The following WIPF3 variants were observed in gnomAD, a reference collection of about 807,000 sequenced individuals.
WIPF3 encodes WAS/WASL-interacting protein family member 3.
Under a neutral mutation model 38.9 loss-of-function variants are expected in WIPF3, and 33 were observed. That is an observed-to-expected ratio of 0.85 (90% confidence interval 0.64 to 1.14). WIPF3 has a LOEUF of 1.14. Among genes scored for constraint, WIPF3 ranks in the 50% most tolerant of loss-of-function variants. The pLI is 0.00. For synonymous variants in WIPF3, 324 were observed against 269.3 expected, an observed-to-expected ratio of 1.20 and a Z score of -1.99; for missense variants, 711 against 652.5, an observed-to-expected ratio of 1.09 and a Z score of -0.98.
At chr7:29,830,926 C>T (rs1263654060) in intron 1 of WIPF3, among the ~76,000 whole-genome samples, 1 of 152,164 alleles carries the variant, frequency 6.6e-6, no homozygotes, top group African/African-American at 2.4e-5. Context: ...CGTGTACTCA[C>T]GAAAGTGTAT....
Position 29,844,856 on chromosome 7 carries a change from C to T in WIPF3, c.90+10042C>T, listed in dbSNP as rs914774410. Among the ~76,000 whole-genome samples the T allele has an allele frequency of 3.3e-5, 5 of 152,144 alleles. No individual in the cohort carries two copies. The East Asian group carries it at 7.7e-4, about 23-fold the overall frequency. On this transcript the variant is annotated intron_variant, in intron 2 of 8. Transcript: ENST00000242140. This position sits in a 1 kb window ranked among gnomAD's most constrained non-coding sequence, Gnocchi z 4.8. ...TTATTGGGACTCTGGCCGAACGGCT[C>T]CCGGCTGTGCTCTGAAGCGCTAAAC...
chr7:29,841,075 A>G lies in WIPF3; in HGVS notation c.90+6261A>G, dbSNP rs79207896. Among the ~76,000 whole-genome samples the G allele has an allele frequency of 7.1e-4, 108 of 152,288 alleles. No individual in the cohort carries two copies. The East Asian group carries it at 0.021, about 29-fold the overall frequency. Reference sequence around the variant, plus strand: ...GGAGAAGCTTTGGAAGCTTGGTTAAATTTTGGTTACAAGGTCAGGATTCTC... The same window carrying G: ...GGAGAAGCTTTGGAAGCTTGGTTAAGTTTTGGTTACAAGGTCAGGATTCTC... On this transcript the variant is annotated intron_variant, in intron 2 of 8. Coordinates refer to ENST00000242140, the MANE Select transcript of WIPF3 (RefSeq NM_001080529.3).
intron 2 of WIPF3, among the ~76,000 whole-genome samples, chr7:29,845,577 C>T (rs1440188981): frequency 2.0e-5 from 3 of 152,234 alleles, no homozygotes; most frequent in Admixed American, 2.0e-4. Context: ...ATACGGGATC[C>T]TGAAGTCTCA....
rs60111327 is a variant in WIPF3 at position 29,811,254 on chromosome 7, TATG to T, written c.-58+4612_-58+4614del. Among the ~76,000 whole-genome samples the T allele has an allele frequency of 2.4e-3, 358 of 149,086 alleles. 2 individuals carry two copies. Among genetic ancestry groups the T allele is most frequent in the East Asian group, 0.012 (60 of 5,072 alleles). On this transcript the variant is annotated intron_variant, in intron 1 of 8. Coordinates refer to ENST00000242140, the MANE Select transcript of WIPF3 (RefSeq NM_001080529.3). ...TAGCAATGTTCAGTCAATTAGCCAT[TATG>T]ATGATGATGATGATGATGATGATGA...
intron 4 of WIPF3, among the ~76,000 whole-genome samples, chr7:29,883,420 AG>A (rs1471150276): frequency 7.9e-5 from 12 of 152,220 alleles, no homozygotes; most frequent in African/African-American, 2.9e-4. Context: ...AAACCTCCCT[AG>A]CCAGGAGTGC....
intron 8 of WIPF3, among the ~76,000 whole-genome samples, chr7:29,909,349 C>T (rs1032568081): frequency 6.6e-5 from 10 of 152,006 alleles, no homozygotes; most frequent in Admixed American, 6.6e-4. Context: ...AGAAAATCAA[C>T]AAAACCAAAA....
At chr7:29,855,189 C>T (rs1056616950) in intron 2 of WIPF3, among the ~76,000 whole-genome samples, 4 of 152,162 alleles carry the variant, frequency 2.6e-5, no homozygotes, top group African/African-American at 9.7e-5. Context: ...ATTCAGTGTT[C>T]CTGGACAGAA....
At position 29,915,147 on chromosome 7, in the gene WIPF3, G is replaced by T. The variant is rs1037064368; in HGVS notation, c.*631G>T. 6.9e-6 allele frequency: 1 copy of T among 144,198 alleles called. No individual in the cohort carries two copies. Among genetic ancestry groups the T allele is most frequent in the Non-Finnish European group, 1.5e-5 (1 of 67,158 alleles). 8.9% of individuals were successfully genotyped at this position (144,198 alleles called of 1,614,324 possible). A position where few individuals can be genotyped will look rare whatever the true frequency, so the allele number is the denominator to read the frequency against. On this transcript the variant is annotated 3_prime_UTR_variant, in exon 9 of 9. Transcript: ENST00000242140. ...ACATCACAAAGTAAAGGCAAGAGTGGGCTTGGCCCTCCGATGCCAACCACA... is the reference window on the plus strand; with the variant it reads ...ACATCACAAAGTAAAGGCAAGAGTGTGCTTGGCCCTCCGATGCCAACCACA...
chr7:29,828,343 C>T (rs1327966156), intron 1 of WIPF3, among the ~76,000 whole-genome samples: 2 of 152,154 alleles, frequency 1.3e-5, no homozygotes, highest in Non-Finnish European at 2.9e-5. Flanking sequence ...GCCCAGTCCA[C>T]ATCACTTCTG....
At chr7:29,902,524 A>G (rs936953375) in intron 7 of WIPF3, among the ~76,000 whole-genome samples, 1 of 152,144 alleles carries the variant, frequency 6.6e-6, no homozygotes, top group South Asian at 2.1e-4. Flanking sequence ...GTTGTAGAAA[A>G]GTTGAAAAAA....
At chr7:29,863,800 CGTAA>C (rs1276616027) in intron 2 of WIPF3, among the ~76,000 whole-genome samples, 2 of 152,130 alleles carry the variant, frequency 1.3e-5, no homozygotes, top group Non-Finnish European at 2.9e-5. Flanking sequence ...TAGATTTATA[CGTAA>C]GTATTTCCTT....
At chr7:29,894,863 A>G (rs372386241) in intron 7 of WIPF3, among the ~76,000 whole-genome samples, 2 of 146,482 alleles carry the variant, frequency 1.4e-5, no homozygotes, top group South Asian at 4.4e-4. Context: ...GGTGTTTGCT[A>G]TTTTCTTCCA....
rs534880035 is a variant in WIPF3, at chr7:29,915,975, G to A, written c.*1459G>A. On this transcript the variant is annotated 3_prime_UTR_variant, in exon 9 of 9. Coordinates refer to ENST00000242140, the MANE Select transcript of WIPF3 (RefSeq NM_001080529.3). ...ACCAAGCCATCCAGAAAGGCAGCCG[G>A]TCAGGAGGGTGTGGGCAAACATGAC... 1 of 152,518 alleles carries A rather than the reference G, an allele frequency of 6.6e-6. No individual in the cohort carries two copies. Among genetic ancestry groups the A allele is most frequent in the Admixed American group, 6.5e-5 (1 of 15,310 alleles). 9.4% of individuals were successfully genotyped at this position (152,518 alleles called of 1,614,324 possible).
chr7:29,861,451 G>A (rs1032854631), intron 2 of WIPF3, among the ~76,000 whole-genome samples: 32 of 152,274 alleles, frequency 2.1e-4, no homozygotes, highest in South Asian at 4.1e-4. Context: ...AAGGGGTGGT[G>A]GCAGGGGTAC....
At chr7:29,884,724 C>G (rs547948114) in intron 5 of WIPF3, 131 bp downstream of exon 5, 1 of 1,341,738 alleles carries the variant, frequency 7.5e-7, no homozygotes, top group African/African-American at 1.5e-5. Flanking sequence ...AGAGACTTGC[C>G]CAAAATCATG....
At chr7:29,856,406 T>G (rs535515763) in intron 2 of WIPF3, among the ~76,000 whole-genome samples, 2 of 152,178 alleles carry the variant, frequency 1.3e-5, no homozygotes, top group Non-Finnish European at 2.9e-5. Context: ...GGCTGGAGGA[T>G]TGCTTGAGCC....
At chr7:29,872,728 G>A (rs887395237) in intron 2 of WIPF3, among the ~76,000 whole-genome samples, 3 of 147,958 alleles carry the variant, frequency 2.0e-5, no homozygotes, top group East Asian at 2.0e-4. Flanking sequence ...CCCGGGAAGC[G>A]GAGCTTGCAG....
chr7:29,875,813 CT>C lies in WIPF3; in HGVS notation c.91-13del, dbSNP rs775209801. The C allele has an allele frequency of 2.7e-5, 44 of 1,610,132 alleles. No homozygotes were observed. The highest frequency in any genetic ancestry group is 3.4e-5 in the Non-Finnish European group (40 of 1,176,784). On this transcript the variant is annotated splice_polypyrimidine_tract_variant and intron_variant, in intron 2 of 8. Coordinates refer to ENST00000242140, the MANE Select transcript of WIPF3 (RefSeq NM_001080529.3). ...TGAAAATGCTACTATAGTCAAATCC[CT>C]TTTACTCCCTTACAGGTAAGCACAG...
Position 29,806,694 on chromosome 7 carries a change from G to C in WIPF3, c.-58+16G>C, listed in dbSNP as rs1784284829. 1 of 151,576 alleles carries C rather than the reference G, an allele frequency of 6.6e-6. No homozygotes were observed. The highest frequency in any genetic ancestry group is 1.5e-5 in the Non-Finnish European group (1 of 67,884). The allele number at this position is 151,576 out of a possible 1,614,324, so 9.4% of individuals were successfully genotyped here. A position where few individuals can be genotyped will look rare whatever the true frequency, so the allele number is the denominator to read the frequency against. ...CCACCTGCAGGTAGCGGCTTCCCGC[G>C]CGGGTGCGGGTCGGTGCCCGAGGGT... On this transcript the variant is annotated intron_variant, in intron 1 of 8. Coordinates refer to ENST00000242140, the MANE Select transcript of WIPF3 (RefSeq NM_001080529.3).
Sources: allele counts gnomAD v4.1 joint callset (sites outside exome capture counted in the v4.1 genomes callset), GRCh38; gene constraint gnomAD v4.1.1; non-coding constraint Gnocchi (gnomAD v3.1); transcripts MANE v1.5; gene names NCBI Gene and HGNC (gene_info 2026-07-23, HGNC 2026-07-21).